The following KLF12 variants were observed in gnomAD, a reference collection of about 807,000 sequenced individuals.
KLF12 encodes the protein KLF transcription factor 12.
Under a neutral mutation model 37.8 loss-of-function variants are expected in KLF12, and 9 were observed. The observed-to-expected ratio is 0.24, with a 90% CI of 0.14 to 0.42. KLF12 has a LOEUF of 0.42. KLF12 is among the 10% of genes least tolerant of loss of function. The pLI is 1.00. For missense variants in KLF12, 411 were observed against 516.0 expected, an observed-to-expected ratio of 0.80 and a Z score of 1.97; for synonymous variants, 208 against 202.1, an observed-to-expected ratio of 1.03 and a Z score of -0.25.
At chr13:73,842,429 C>T (rs574102452) in intron 4 of KLF12, among the ~76,000 whole-genome samples, 1 of 152,280 alleles carries the variant, frequency 6.6e-6, no homozygotes, top group South Asian at 2.1e-4. Flanking sequence ...CACTATGAGA[C>T]AGAAACAACA....
chr13:74,108,687 C>A (rs1226191207), intron 1 of KLF12, among the ~76,000 whole-genome samples: 1 of 152,032 alleles, frequency 6.6e-6, no homozygotes, highest in Non-Finnish European at 1.5e-5. Flanking sequence ...ACACTATATT[C>A]TTATAATAAA....
chr13:73,910,557 A>G (rs1034906537), intron 3 of KLF12, among the ~76,000 whole-genome samples: 1 of 152,212 alleles, frequency 6.6e-6, no homozygotes, highest in Non-Finnish European at 1.5e-5. Context: ...AAAAAACTTT[A>G]TAAGATAAAT....
At chr13:73,753,568 G>T (rs1878934798) in intron 6 of KLF12, among the ~76,000 whole-genome samples, 1 of 151,846 alleles carries the variant, frequency 6.6e-6, no homozygotes, top group Non-Finnish European at 1.5e-5. Context: ...CTAGAGCACA[G>T]AAAGTGGCTG....
chr13:73,721,108 A>G (rs1876210724), intron 6 of KLF12, among the ~76,000 whole-genome samples: 1 of 152,178 alleles, frequency 6.6e-6, no homozygotes, highest in African/African-American at 2.4e-5. Flanking sequence ...TAAGCTTCAG[A>G]GCAACCCTCT....
At chr13:73,862,148 C>T (rs539910272) in intron 3 of KLF12, among the ~76,000 whole-genome samples, 1 of 151,274 alleles carries the variant, frequency 6.6e-6, no homozygotes, top group South Asian at 2.1e-4. Flanking sequence ...ATTCACTAAG[C>T]ATCTGTCTTT....
rs1466579835 is a variant in KLF12 at position 73,691,249 on chromosome 13, G to A, written c.*4241C>T. The stretch of plus-strand genomic sequence containing the variant: ...GTTAAGTGGAAGGCAGTGTGGGGAT[G>A]AGTAGAAATGTCATATGGAAGACAT... On this transcript the variant is annotated 3_prime_UTR_variant, in exon 8 of 8. Coordinates refer to ENST00000377669, the MANE Select transcript of KLF12 (RefSeq NM_007249.5). 1 of 152,660 alleles carries A rather than the reference G, an allele frequency of 6.6e-6. No homozygotes were observed. The highest frequency in any genetic ancestry group is 1.5e-5 in the Non-Finnish European group (1 of 68,046). 9.5% of individuals were successfully genotyped at this position (152,660 alleles called of 1,614,324 possible). A position where few individuals can be genotyped will look rare whatever the true frequency, so the allele number is the denominator to read the frequency against.
chr13:74,246,341 C>T, the KLF12 span, among the ~76,000 whole-genome samples: 1 of 152,114 alleles, frequency 6.6e-6, no homozygotes, highest in Non-Finnish European at 1.5e-5. Context: ...TTGAAGACAG[C>T]CCATTTTCTA....
intron 1 of KLF12, among the ~76,000 whole-genome samples, chr13:74,063,719 A>G (rs1873744677): frequency 6.6e-6 from 1 of 152,228 alleles, no homozygotes; most frequent in Non-Finnish European, 1.5e-5. Context: ...TTTTTACAGT[A>G]TAAGGTACTC....
chr13:74,015,812 A>C (rs1435720145), intron 1 of KLF12, among the ~76,000 whole-genome samples: 1 of 152,174 alleles, frequency 6.6e-6, no homozygotes, highest in Non-Finnish European at 1.5e-5. Context: ...TTATGCTTTC[A>C]TTGGACTCTC....
At chr13:74,008,452 T>C (rs898648167) in intron 1 of KLF12, among the ~76,000 whole-genome samples, 1 of 152,242 alleles carries the variant, frequency 6.6e-6, no homozygotes, top group Non-Finnish European at 1.5e-5. Flanking sequence ...CAATGCATTT[T>C]GTTTGGGGTT....
chr13:74,139,758 A>G, the KLF12 span, among the ~76,000 whole-genome samples: 8 of 152,310 alleles, frequency 5.3e-5, no homozygotes, highest in East Asian at 1.5e-3. Flanking sequence ...AAAAAAAATG[A>G]CATTTGCAAA....
intron 5 of KLF12, among the ~76,000 whole-genome samples, chr13:73,772,593 A>G (rs765547114): frequency 1.6e-4 from 24 of 152,220 alleles, no homozygotes; most frequent in Non-Finnish European, 3.5e-4. Context: ...AAAACCACAA[A>G]TTGGTGTAGA....
intron 1 of KLF12, among the ~76,000 whole-genome samples, chr13:74,050,263 A>G (rs1487165312): frequency 6.6e-6 from 1 of 152,196 alleles, no homozygotes; most frequent in Admixed American, 6.5e-5. Flanking sequence ...AAGGAAAATT[A>G]TTTCCAATCT....
At position 73,694,762 on chromosome 13, in the gene KLF12, C is replaced by G. The variant is rs575460470; in HGVS notation, c.*728G>C. ...TGCCAGTCCATGCCAGGGCAGAGAC[C>G]AGGACGAGACTTCAACTGCCCCTCT... On this transcript the variant is annotated 3_prime_UTR_variant, in exon 8 of 8. Transcript: ENST00000377669. The G allele has an allele frequency of 1.2e-4, 18 of 152,778 alleles. No homozygotes were observed. The highest frequency in any genetic ancestry group is 4.1e-4 in the African/African-American group (17 of 41,578). 9.5% of individuals were successfully genotyped at this position (152,778 alleles called of 1,614,324 possible).
the KLF12 span, among the ~76,000 whole-genome samples, chr13:74,162,990 G>A: frequency 1.3e-5 from 2 of 152,102 alleles, no homozygotes; most frequent in African/African-American, 4.8e-5. Context: ...GGATTATTTG[G>A]TAGAAGAATG....
chr13:73,962,705 A>G (rs1329520351), intron 2 of KLF12, among the ~76,000 whole-genome samples: 2 of 152,216 alleles, frequency 1.3e-5, no homozygotes, highest in Non-Finnish European at 2.9e-5. Context: ...ACTTTTTAAA[A>G]TTCAAAAACA....
chr13:73,914,256 C>A (rs1309954268), intron 3 of KLF12, among the ~76,000 whole-genome samples: 1 of 152,252 alleles, frequency 6.6e-6, no homozygotes, highest in Non-Finnish European at 1.5e-5. Context: ...GAGACCCACT[C>A]TCCCTATGTG....
At chr13:74,064,512 C>T in intron 1 of KLF12, among the ~76,000 whole-genome samples, 1 of 152,132 alleles carries the variant, frequency 6.6e-6, no homozygotes, top group East Asian at 1.9e-4. Flanking sequence ...GTTGATGATA[C>T]ATCCAAAGAA....
chr13:73,915,372 A>G (rs2139178558), intron 3 of KLF12, among the ~76,000 whole-genome samples: 1 of 152,272 alleles, frequency 6.6e-6, no homozygotes, highest in South Asian at 2.1e-4. Flanking sequence ...AGAGGTCACT[A>G]TTCAGCCTCC....
Sources: gnomAD v4.1 joint callset for allele counts (sites outside exome capture counted in the v4.1 genomes callset) on GRCh38, gnomAD v4.1.1 for gene constraint, MANE v1.5 for transcripts, NCBI Gene and HGNC (gene_info 2026-07-23, HGNC 2026-07-21) for gene names.